CPNE7: variants seen among roughly 807,000 people sequenced by gnomAD.
CPNE7 encodes copine 7.
In CPNE7, 78 loss-of-function variants were observed where a neutral mutation model predicts 66.5. That is an observed-to-expected ratio of 1.17 (90% CI 0.98 to 1.42). The LOEUF (loss-of-function observed/expected upper bound fraction) is 1.42, where lower values mean the gene tolerates loss of function less well. Ranked by LOEUF, CPNE7 falls within the 40% of genes most tolerant of loss-of-function variation. The pLI is 0.00. For missense variants in CPNE7, 1,012 were observed against 776.6 expected, an observed-to-expected ratio of 1.30 and a Z score of -3.60; for synonymous variants, 468 against 336.7, an observed-to-expected ratio of 1.39 and a Z score of -4.27.
chr16:89,589,527 T>C (rs2059137635), intron 10 of CPNE7, among the ~76,000 whole-genome samples: 1 of 152,120 alleles, frequency 6.6e-6, no homozygotes, highest in African/African-American at 2.4e-5. Context: ...TGGGAGAGGA[T>C]GCCCTGAGCT....
intron 8 of CPNE7, 95 bp from the exon 9 acceptor site, chr16:89,586,948 G>A: frequency 7.8e-7 from 1 of 1,281,312 alleles, no homozygotes; most frequent in Non-Finnish European, 1.1e-6. Flanking sequence ...CACCCCAGAG[G>A]GACTGGGCTG....
In CPNE7 at chr16:89,595,412, A is replaced by G. The variant is rs369375943; in HGVS notation, c.1348A>G (p.Met450Val). The change falls in exon 14 of 15, where the codon ATG (methionine) becomes GTG (valine). Residue 450 changes from methionine to valine, a missense_variant. Transcript: ENST00000319518. ...LILTDGVVTD[M>V]ADTREAIVRA... ...CCTGACGGACGGCGTGGTGACCGAC[A>G]TGGCCGACACACGGGAGGCCATTGT... 31 of 1,600,358 alleles carry G rather than the reference A, an allele frequency of 1.9e-5. No individual in the cohort carries two copies. The highest frequency in any genetic ancestry group is 2.6e-5 in the Non-Finnish European group (30 of 1,170,598).
chr16:89,584,703 G>A lies in CPNE7; in HGVS notation c.508-71G>A, dbSNP rs964950537. The A allele has an allele frequency of 1.2e-5, 15 of 1,207,630 alleles. No individual in the cohort carries two copies. The highest frequency in any genetic ancestry group is 1.3e-5 in the South Asian group (1 of 78,612). 74.8% of individuals were successfully genotyped at this position (1,207,630 alleles called of 1,614,324 possible). ...TGGCATGAAGTGAGCCCTGGGAAAC[G>A]ACAAAGCCAGCTCCCATCCAAAGCC... On this transcript the variant is annotated intron_variant, in intron 4 of 14. Coordinates refer to ENST00000319518, the MANE Select transcript of CPNE7 (RefSeq NM_153636.3). This position sits in a 1 kb window ranked among gnomAD's most constrained non-coding sequence, Gnocchi z 6.0.
intron 1 of CPNE7, among the ~76,000 whole-genome samples, 195 bp downstream of exon 1, chr16:89,576,266 C>T (rs1280792510): frequency 6.6e-6 from 1 of 151,762 alleles, no homozygotes; most frequent in African/African-American, 2.4e-5. Context: ...TGGGGAGAGG[C>T]TGGGCTGGAG....
chr16:89,588,391 G>A (rs571314375), intron 9 of CPNE7, among the ~76,000 whole-genome samples: 1 of 152,320 alleles, frequency 6.6e-6, no homozygotes, highest in South Asian at 2.1e-4. Context: ...GAGGGGTTGG[G>A]CGGCCACTAA....
intron 2 of CPNE7, among the ~76,000 whole-genome samples, chr16:89,579,695 GC>G (rs2058918167): frequency 7.5e-6 from 1 of 132,772 alleles, no homozygotes; most frequent in African/African-American, 3.2e-5. Flanking sequence ...CCCGTCATCT[GC>G]TCACATGGAA....
intron 7 of CPNE7, among the ~76,000 whole-genome samples, chr16:89,586,158 C>G (rs977841989): frequency 6.6e-6 from 1 of 152,078 alleles, no homozygotes; most frequent in Non-Finnish European, 1.5e-5. Flanking sequence ...GTCCCACTGT[C>G]CTGATGGGGT....
chr16:89,583,661 G>A (rs766815520), intron 2 of CPNE7, 36 bp from the exon 3 acceptor site: 7 of 1,611,390 alleles, frequency 4.3e-6, no homozygotes, highest in East Asian at 4.5e-5. Context: ...AGCCGTCCCC[G>A]CCTGCCCCTC....
At position 89,587,054 on chromosome 16, in the gene CPNE7, G is replaced by A. The variant is rs1305394919; in HGVS notation, c.879G>A (p.Val293=). Residue 293 remains valine, a synonymous_variant, in exon 9 of 15, where the codon GTG becomes GTA. Coordinates refer to ENST00000319518, the MANE Select transcript of CPNE7 (RefSeq NM_153636.3). ...CCGCCGGCCGGAAGTTCCACAGGGT[G>A]TACTCCTTCCTGGACTATATCATGG... The part of the protein sequence containing the change: ...VVLADLKFHR[V]YSFLDYIMGG... 3.2e-6 allele frequency: 5 copies of A among 1,580,556 alleles called. No homozygotes were observed. Among genetic ancestry groups the A allele is most frequent in the Middle Eastern group, 1.7e-4 (1 of 5,908 alleles).
At chr16:89,594,118 C>G (rs796491076) in intron 13 of CPNE7, 4 of 152,204 alleles carry the variant, frequency 2.6e-5, no homozygotes, top group African/African-American at 9.6e-5. Flanking sequence ...CCCTCGGTCC[C>G]TCTCCTGGAC....
chr16:89,579,960 TCCCGTCA>T (rs1345016545), intron 2 of CPNE7, among the ~76,000 whole-genome samples: 1 of 39,266 alleles, frequency 2.5e-5, no homozygotes, highest in Non-Finnish European at 6.8e-5. Context: ...ACATGGAACA[TCCCGTCA>T]CCCGTCACAC....
rs532836570 is a variant in CPNE7 at position 89,583,630 on chromosome 16, G to A, written c.358-67G>A. The stretch of plus-strand genomic sequence containing the variant: ...GGCCTGAGAGTCCGGGTGAGGGCGC[G>A]GTGGGGTCTCCAGGGTCAGGAGCCG... On this transcript the variant is annotated intron_variant, in intron 2 of 14. Coordinates refer to ENST00000319518, the MANE Select transcript of CPNE7 (RefSeq NM_153636.3). The A allele has an allele frequency of 2.4e-4, 380 of 1,608,912 alleles. 2 individuals carry two copies. In the African/African-American group the frequency reaches 4.1e-3, roughly 17 times the overall value.
intron 11 of CPNE7, among the ~76,000 whole-genome samples, chr16:89,590,399 C>T (rs1353873770): frequency 6.6e-6 from 1 of 152,066 alleles, no homozygotes; most frequent in Non-Finnish European, 1.5e-5. Context: ...GTGGCACATG[C>T]TTGTAATCCC....
Position 89,595,445 on chromosome 16 carries a change from T to G in CPNE7, c.1381T>G (p.Ser461Ala). The G allele has an allele frequency of 6.2e-7, 1 of 1,611,776 alleles. No homozygotes were observed. The highest frequency in any genetic ancestry group is 8.5e-7 in the Non-Finnish European group (1 of 1,179,320). Residue 461 changes from serine (S) to alanine (A), a missense_variant, in exon 14 of 15, where the codon TCA becomes GCA. Ser to Ala is a moderately conservative substitution (Grantham distance 99). Coordinates refer to ENST00000319518, the MANE Select transcript of CPNE7 (RefSeq NM_153636.3). ...ADTREAIVRA[S>A]RLPMSIIIVG... ...CACACGGGAGGCCATTGTGCGTGCCTCACGCCTGCCCATGTCCATCATCAT... is the reference window on the plus strand; with the variant it reads ...CACACGGGAGGCCATTGTGCGTGCCGCACGCCTGCCCATGTCCATCATCAT...
rs180853889 is a variant in CPNE7 at position 89,578,167 on chromosome 16, C to T, written c.357+446C>T. 3.4e-3 allele frequency among the ~76,000 whole-genome samples: 517 copies of T among 150,642 alleles called. 4 individuals are homozygous for T. The highest frequency in any genetic ancestry group is 0.011 in the African/African-American group (469 of 40,934). On this transcript the variant is annotated intron_variant, in intron 2 of 14. Coordinates refer to ENST00000319518, the MANE Select transcript of CPNE7 (RefSeq NM_153636.3). ...GCAACCTCCACCTCCTGGGTTCAAG[C>T]GATTCTCCTGCCTCAGCCTCCTGAG...
Position 89,581,180 on chromosome 16 carries a change from C to T in CPNE7, c.358-2517C>T, listed in dbSNP as rs142077732. Among the ~76,000 whole-genome samples, 168 of 151,760 alleles carry T rather than the reference C, an allele frequency of 1.1e-3. 1 individual carries two copies. The highest frequency in any genetic ancestry group is 3.6e-3 in the African/African-American group (149 of 41,284). ...CCGTCACCCGTCACACGGAACATTC[C>T]GTCTCCCGCTGACACGGAATATCTG... On this transcript the variant is annotated intron_variant, in intron 2 of 14. Transcript: ENST00000319518.
rs1366196542 is a variant in CPNE7 at position 89,597,158 on chromosome 16, T to C, written c.*537T>C. The C allele has an allele frequency of 6.5e-6, 1 of 153,324 alleles. No homozygotes were observed. Among genetic ancestry groups the C allele is most frequent in the Non-Finnish European group, 1.4e-5 (1 of 69,000 alleles). 9.5% of individuals were successfully genotyped at this position (153,324 alleles called of 1,614,324 possible). A position where few individuals can be genotyped will look rare whatever the true frequency, so the allele number is the denominator to read the frequency against. ...CGTCGGGCCTCTGCACCTGGGTCCA[T>C]GGGGTCTGCGGGGTCTGCGGGGTCT... On this transcript the variant is annotated 3_prime_UTR_variant, in exon 15 of 15. Transcript: ENST00000319518.
rs773239465 is a variant in CPNE7, at chr16:89,584,831, G to C, written c.565G>C (p.Gly189Arg). Reference sequence around the variant, plus strand: ...GCTCTACAGGGTCAACGACGACCAGGGCTTGCAGCTGGTGTACAGGACGGA... The same window carrying C: ...GCTCTACAGGGTCAACGACGACCAGCGCTTGCAGCTGGTGTACAGGACGGA... Reference protein sequence around the residue: ...LELYRVNDDQGLQLVYRTEVV... With the variant: ...LELYRVNDDQRLQLVYRTEVV... The change falls in exon 5 of 15, where the codon GGC (glycine) becomes CGC (arginine). Residue 189 changes from glycine (G) to arginine (R), a missense_variant. Physicochemically the swap from Gly to Arg is moderately radical, Grantham distance 125. Coordinates refer to ENST00000319518, the MANE Select transcript of CPNE7 (RefSeq NM_153636.3). This position sits in a 1 kb window ranked among gnomAD's most constrained non-coding sequence, Gnocchi z 6.0. 5.0e-6 allele frequency: 8 copies of C among 1,613,500 alleles called. No homozygotes were observed. The highest frequency in any genetic ancestry group is 3.3e-5 in the Admixed American group (2 of 60,002).
chr16:89,595,720 T>G, intron 14 of CPNE7, 117 bp downstream of exon 14: 1 of 929,384 alleles, frequency 1.1e-6, no homozygotes, highest in Non-Finnish European at 1.7e-6. Context: ...CCTTCTTGTG[T>G]CTGGGGGATC....
Sources: allele counts gnomAD v4.1 joint callset (sites outside exome capture counted in the v4.1 genomes callset), GRCh38; gene constraint gnomAD v4.1.1; non-coding constraint Gnocchi (gnomAD v3.1); transcripts MANE v1.5; gene names NCBI Gene and HGNC (gene_info 2026-07-23, HGNC 2026-07-21).